USP7: variants seen among roughly 807,000 people sequenced by gnomAD.
USP7 encodes the protein ubiquitin specific peptidase 7.
Under a neutral mutation model 162.9 loss-of-function variants are expected in USP7, and 9 were observed. The observed-to-expected ratio is 0.06, with a 90% CI of 0.03 to 0.10. The LOEUF (loss-of-function observed/expected upper bound fraction) is 0.10. Among genes scored for constraint, USP7 ranks in the 10% least tolerant of loss-of-function variants. The pLI is 1.00. For synonymous variants in USP7, 562 were observed against 475.9 expected (o/e 1.18, Z -2.35); for missense variants, 715 against 1,373.7 (o/e 0.52, Z 7.58).
At chr16:8,920,254 G>A (rs909127841) in intron 5 of USP7, 105 bp downstream of exon 5, 2 of 970,550 alleles carry the variant, frequency 2.1e-6, no homozygotes, top group East Asian at 2.4e-5. Flanking sequence ...GCAGAGAGGA[G>A]GCTTACTGAT....
At chr16:8,928,824 AAAGG>A (rs1898160507) in intron 2 of USP7, among the ~76,000 whole-genome samples, 1 of 152,170 alleles carries the variant, frequency 6.6e-6, no homozygotes, top group Non-Finnish European at 1.5e-5. Context: ...ATGTACCTCA[AAAGG>A]AAGGGGACTT....
Position 8,893,796 on chromosome 16 carries a change from A to AT in USP7, c.*201dup. On this transcript the variant is annotated 3_prime_UTR_variant, in exon 31 of 31. Transcript: ENST00000344836. Reference sequence around the variant, plus strand: ...TAACTCTCATTGGCATCCAAGCTTTATAAAAACATCTTCATTTTGCTCAAA... The same window carrying AT: ...TAACTCTCATTGGCATCCAAGCTTTATTAAAAACATCTTCATTTTGCTCAAA... The AT allele has an allele frequency of 1.8e-6, 1 of 555,074 alleles. No homozygotes were observed. The highest frequency in any genetic ancestry group is 3.1e-5 in the Admixed American group (1 of 32,668). 34.4% of individuals were successfully genotyped at this position (555,074 alleles called of 1,614,324 possible). A position where few individuals can be genotyped will look rare whatever the true frequency, so the allele number is the denominator to read the frequency against.
Position 8,905,870 on chromosome 16 carries a change from G to A in USP7, c.1429-539C>T, listed in dbSNP as rs537945732. On this transcript the variant is annotated intron_variant, in intron 13 of 30. Coordinates refer to ENST00000344836, the MANE Select transcript of USP7 (RefSeq NM_003470.3). Reference sequence around the variant, plus strand: ...GCCACATTAAACAGTGATGAACGCTGCTGTTACACGCACTCTTCACTGTTC... The same window carrying A: ...GCCACATTAAACAGTGATGAACGCTACTGTTACACGCACTCTTCACTGTTC... Among the ~76,000 whole-genome samples, 30 of 152,342 alleles carry A rather than the reference G, an allele frequency of 2.0e-4. No homozygotes were observed. The South Asian group carries it at 6.0e-3, about 30-fold the overall frequency.
intron 20 of USP7, 124 bp downstream of exon 20, chr16:8,900,866 C>T: frequency 6.3e-6 from 6 of 959,740 alleles, no homozygotes; most frequent in Non-Finnish European, 9.2e-6. Context: ...TTCTCAAGAT[C>T]ATCTGAGGCC....
At chr16:8,936,694 C>T (rs1289044251) in intron 1 of USP7, 4 of 1,483,120 alleles carry the variant, frequency 2.7e-6, no homozygotes, top group Non-Finnish European at 3.6e-6. Context: ...CATAGAATCT[C>T]TAGGAGCTCT....
At chr16:8,901,920 C>T in intron 18 of USP7, 162 bp downstream of exon 18, 1 of 651,504 alleles carries the variant, frequency 1.5e-6, no homozygotes, top group Admixed American at 3.0e-5. Flanking sequence ...GCAGCCAAGT[C>T]AGTCTTATTT....
In USP7 at chr16:8,893,951, G is replaced by A. The variant is rs775343031; in HGVS notation, c.*47C>T. On this transcript the variant is annotated 3_prime_UTR_variant, in exon 31 of 31. Coordinates refer to ENST00000344836, the MANE Select transcript of USP7 (RefSeq NM_003470.3). ...GTGCACCAAAGTTCTAGGCTGTTAA[G>A]GGGCCACCCACACACCGTCCTCGCC... is the stretch of plus-strand genomic sequence containing the variant. 1.3e-6 allele frequency: 2 copies of A among 1,572,940 alleles called. No individual in the cohort carries two copies. The highest frequency in any genetic ancestry group is 1.1e-5 in the South Asian group (1 of 90,280).
At chr16:8,946,701 CCA>C (rs1899301157) in intron 1 of USP7, among the ~76,000 whole-genome samples, 1 of 152,326 alleles carries the variant, frequency 6.6e-6, no homozygotes, top group East Asian at 1.9e-4. Flanking sequence ...TACCCCAGCC[CCA>C]CACACCAGCA....
At chr16:8,930,646 G>C (rs988141648) in intron 1 of USP7, among the ~76,000 whole-genome samples, 1 of 152,154 alleles carries the variant, frequency 6.6e-6, no homozygotes, top group Non-Finnish European at 1.5e-5. Context: ...TATTTGCAAT[G>C]ATATTCTGCA....
At chr16:8,954,844 C>T (rs768266041) in intron 1 of USP7, among the ~76,000 whole-genome samples, 8 of 152,132 alleles carry the variant, frequency 5.3e-5, no homozygotes, top group African/African-American at 1.9e-4. Flanking sequence ...CCTGTAGTCC[C>T]AGCTACTCAG....
intron 25 of USP7, among the ~76,000 whole-genome samples, chr16:8,897,729 AT>A (rs1315955150): frequency 9.7e-5 from 10 of 102,784 alleles, no homozygotes; most frequent in African/African-American, 3.6e-4. Flanking sequence ...AAAAAAAAAT[AT>A]ATATATATAT....
intron 1 of USP7, among the ~76,000 whole-genome samples, chr16:8,957,351 T>TG (rs754057602): frequency 3.3e-5 from 5 of 152,230 alleles, no homozygotes; most frequent in Non-Finnish European, 5.9e-5. Flanking sequence ...TCATGGTACA[T>TG]GGCAAGAAAT....
intron 4 of USP7, 63 bp downstream of exon 4, chr16:8,921,094 A>G (rs1458808524): frequency 6.5e-7 from 1 of 1,527,838 alleles, no homozygotes; most frequent in East Asian, 2.3e-5. Context: ...GAAAAATCAA[A>G]AAGTTAAGGG....
intron 8 of USP7, among the ~76,000 whole-genome samples, chr16:8,915,742 C>T (rs1897337665): frequency 6.6e-6 from 1 of 152,190 alleles, no homozygotes; most frequent in South Asian, 2.1e-4. Flanking sequence ...ACCTTTTATA[C>T]AGCCTTTGGA....
chr16:8,936,198 T>C (rs1417651891), intron 1 of USP7, among the ~76,000 whole-genome samples: 2 of 152,120 alleles, frequency 1.3e-5, no homozygotes, highest in Non-Finnish European at 2.9e-5. Flanking sequence ...ATCCTTCCAC[T>C]AGTAACAACC....
intron 6 of USP7, among the ~76,000 whole-genome samples, chr16:8,918,744 G>A (rs761640834): frequency 1.4e-4 from 22 of 152,218 alleles, no homozygotes; most frequent in Admixed American, 5.2e-4. Context: ...AGGAGACAGA[G>A]GCTGCAGTGA....
chr16:8,956,849 G>A (rs1203491211), intron 1 of USP7, among the ~76,000 whole-genome samples: 2 of 151,834 alleles, frequency 1.3e-5, no homozygotes, highest in Admixed American at 1.3e-4. Context: ...CCCCCCCGCA[G>A]GCAGTGCCCC....
In USP7 at chr16:8,923,397, G is replaced by A. The variant is rs369994874; in HGVS notation, c.201C>T (p.Ser67=). ...EDMEDDTSWR[S]EATFQFTVER... The stretch of plus-strand genomic sequence containing the variant: ...CCACAGTGAACTGAAAGGTTGCCTC[G>A]GAGCGCCAACTGGTGTCTGCAAAAA... Residue 67 remains serine, a synonymous_variant, in exon 3 of 31, where the codon TCC becomes TCT. Transcript: ENST00000344836. 6.8e-6 allele frequency: 11 copies of A among 1,614,002 alleles called. No homozygotes were observed. Among genetic ancestry groups the A allele is most frequent in the African/African-American group, 5.3e-5 (4 of 74,902 alleles).
chr16:8,898,274 G>T, intron 25 of USP7, 86 bp downstream of exon 25: 1 of 1,126,442 alleles, frequency 8.9e-7, no homozygotes, highest in Non-Finnish European at 1.3e-6. Context: ...TTTCTGTGGT[G>T]TCTTAGTTTT....
Sources: allele counts gnomAD v4.1 joint callset (sites outside exome capture counted in the v4.1 genomes callset), GRCh38; gene constraint gnomAD v4.1.1; transcripts MANE v1.5; gene names NCBI Gene and HGNC (gene_info 2026-07-23, HGNC 2026-07-21).